The following ATR variants were observed in gnomAD, a reference collection of about 807,000 sequenced individuals.
ATR encodes the protein serine/threonine-protein kinase ATR.
Under a neutral mutation model 305.3 loss-of-function variants are expected in ATR, and 142 were observed. The ratio of observed to expected loss-of-function variants is 0.47; its 90% CI spans 0.41 to 0.53. The LOEUF (loss-of-function observed/expected upper bound fraction) is 0.53. ATR is among the 20% of genes least tolerant of loss of function. ATR has a pLI of 0.00. For missense variants in ATR, 2,135 were observed against 3,133.1 expected, an observed-to-expected ratio of 0.68 and a Z score of 7.60; for synonymous variants, 1,050 against 1,068.1, an observed-to-expected ratio of 0.98 and a Z score of 0.33.
At chr3:142,478,498 C>T (rs2030099106) in intron 36 of ATR, among the ~76,000 whole-genome samples, 1 of 152,074 alleles carries the variant, frequency 6.6e-6, no homozygotes, top group Non-Finnish European at 1.5e-5. Context: ...CTGAGGAGTG[C>T]TTTACTTCCA....
intron 13 of ATR, among the ~76,000 whole-genome samples, chr3:142,552,669 CAAAA>C (rs143475912): frequency 1.1e-5 from 1 of 93,326 alleles, no homozygotes. Flanking sequence ...TACTCCATCT[CAAAA>C]AAAAAAAAAA....
chr3:142,500,732 C>T (rs1023593804), intron 30 of ATR, among the ~76,000 whole-genome samples: 2 of 151,990 alleles, frequency 1.3e-5, no homozygotes, highest in Admixed American at 1.3e-4. Flanking sequence ...ATGACCACCA[C>T]CAAAAACAGT....
intron 3 of ATR, 74 bp from the exon 4 acceptor site, chr3:142,563,183 C>A: frequency 7.1e-7 from 1 of 1,401,788 alleles, no homozygotes; most frequent in Non-Finnish European, 9.7e-7. Context: ...AAATCCTTGA[C>A]GATTGACTTT....
intron 40 of ATR, among the ~76,000 whole-genome samples, chr3:142,466,010 C>T (rs571288510): frequency 7.3e-5 from 5 of 68,736 alleles, no homozygotes; most frequent in African/African-American, 2.2e-4. Context: ...ACCCTGTTTC[C>T]AAAAAAAAAA....
intron 39 of ATR, 147 bp from the exon 40 acceptor site, chr3:142,466,680 C>A: frequency 1.4e-6 from 1 of 711,188 alleles, no homozygotes; most frequent in South Asian, 1.8e-5. Context: ...TAACCTCTGT[C>A]ATTTACCTCA....
At position 142,493,380 on chromosome 3, in the gene ATR, A is replaced by G. The variant is rs113568341; in HGVS notation, c.5899-69T>C. The G allele has an allele frequency of 5.1e-3, 7,384 of 1,445,248 alleles. 41 individuals carry two copies. The highest frequency in any genetic ancestry group is 0.012 in the Middle Eastern group (68 of 5,568). The allele number at this position is 1,445,248 out of a possible 1,614,324, so 89.5% of individuals were successfully genotyped here. ...TACTTCTATTTTCTGCAAAAGTATT[A>G]GTTCATTATGTTTTTGTACAAATCC... On this transcript the variant is annotated intron_variant, in intron 34 of 46. Transcript: ENST00000350721.
chr3:142,563,972 AAAG>A (rs769983319), intron 3 of ATR, among the ~76,000 whole-genome samples: 6 of 152,220 alleles, frequency 3.9e-5, no homozygotes, highest in African/African-American at 1.4e-4. Flanking sequence ...AGTAGGAAAA[AAAG>A]AAGATCAAAC....
At chr3:142,481,634 T>C (rs746684888) in intron 36 of ATR, among the ~76,000 whole-genome samples, 14 of 152,022 alleles carry the variant, frequency 9.2e-5, no homozygotes, top group Non-Finnish European at 1.5e-4. Context: ...GGGACCATGG[T>C]TGTACACCCT....
intron 36 of ATR, among the ~76,000 whole-genome samples, chr3:142,481,292 C>G (rs2030454653): frequency 6.6e-6 from 1 of 152,172 alleles, no homozygotes; most frequent in South Asian, 2.1e-4. Context: ...TTCTCTGCAT[C>G]TATTGAGATG....
At chr3:142,458,699 T>C (rs1036027108) in intron 44 of ATR, among the ~76,000 whole-genome samples, 1 of 152,204 alleles carries the variant, frequency 6.6e-6, no homozygotes, top group Non-Finnish European at 1.5e-5. Context: ...ACATAACTAA[T>C]AACTAATTGA....
At chr3:142,486,483 C>T (rs1344484840) in intron 35 of ATR, among the ~76,000 whole-genome samples, 1 of 151,978 alleles carries the variant, frequency 6.6e-6, no homozygotes, top group Non-Finnish European at 1.5e-5. Flanking sequence ...CTTCCTTCCT[C>T]CTCCCTCTCT....
At chr3:142,518,017 G>A (rs1399345760) in intron 24 of ATR, among the ~76,000 whole-genome samples, 1 of 152,112 alleles carries the variant, frequency 6.6e-6, no homozygotes, top group Non-Finnish European at 1.5e-5. Context: ...TAAATAACTT[G>A]CCCAAGACTT....
At chr3:142,523,584 C>T (rs1184039561) in intron 22 of ATR, among the ~76,000 whole-genome samples, 3 of 152,204 alleles carry the variant, frequency 2.0e-5, no homozygotes, top group South Asian at 4.2e-4. Context: ...TTAAAAGTCA[C>T]ATTTTTTTTA....
Position 142,550,233 on chromosome 3 carries a change from C to T in ATR, c.2875G>A (p.Val959Met), listed in dbSNP as rs28910271. ...LPNTPCQNAD[V>M]RKQDVAHQRE... The stretch of plus-strand genomic sequence containing the variant: ...TGGTGAGCCACATCTTGTTTTCGCA[C>T]GTCAGCATTCTGGCATGGAGTATTC... The change falls in exon 14 of 47, where the codon GTG becomes ATG. Residue 959 changes from valine (V) to methionine (M), a missense_variant. This residue lies in a region of ATR where 530 missense variants were observed against 766.8 expected (regional missense o/e 0.69). Coordinates refer to ENST00000350721, the MANE Select transcript of ATR (RefSeq NM_001184.4). 31,767 of 1,614,104 alleles carry T rather than the reference C, an allele frequency of 0.02. 399 individuals are homozygous for T. The highest frequency in any genetic ancestry group is 0.041 in the South Asian group (3,755 of 91,088).
rs561564034 is a variant in ATR at position 142,559,747 on chromosome 3, A to T, written c.1542-306T>A. On this transcript the variant is annotated intron_variant, in intron 6 of 46. Coordinates refer to ENST00000350721, the MANE Select transcript of ATR (RefSeq NM_001184.4). Reference sequence around the variant, plus strand: ...AGGGAAACCCATCTCTACAAAAAAAATTTTTTCTAAATTAGGGTGTGGCGG... The same window carrying T: ...AGGGAAACCCATCTCTACAAAAAAATTTTTTTCTAAATTAGGGTGTGGCGG... Among the ~76,000 whole-genome samples, 135 of 152,166 alleles carry T rather than the reference A, an allele frequency of 8.9e-4. 1 individual carries two copies. In the South Asian group the frequency reaches 8.9e-3, roughly 10 times the overall value.
At chr3:142,467,026 TA>T (rs539698506) in intron 39 of ATR, among the ~76,000 whole-genome samples, 90 of 152,198 alleles carry the variant, frequency 5.9e-4, no homozygotes, top group Non-Finnish European at 1.2e-3. Context: ...CTGTTTTTGA[TA>T]ATGTCAAGTG....
At chr3:142,462,596 G>C (rs367687109) in intron 41 of ATR, among the ~76,000 whole-genome samples, 7 of 151,920 alleles carry the variant, frequency 4.6e-5, no homozygotes, top group African/African-American at 1.7e-4. Flanking sequence ...AGCCTCCCGA[G>C]TAGGTGGGAC....
In ATR at chr3:142,549,608, A is replaced by C; in HGVS notation, c.3042T>G (p.Ile1014Met). 1 of 1,613,656 alleles carries C rather than the reference A, an allele frequency of 6.2e-7. No homozygotes were observed. Among genetic ancestry groups the C allele is most frequent in the Non-Finnish European group, 8.5e-7 (1 of 1,179,794 alleles). ...CATTTAATTGTTTTCCTAAAGTTCG[A>C]ATGAGAGCAGAAGCTGCAGGGCTTG... The part of the protein sequence containing the change: ...AKASPAASAL[I>M]RTLGKQLNVN... Residue 1014 changes from isoleucine to methionine, a missense_variant, in exon 15 of 47, where the codon ATT becomes ATG. Physicochemically the swap from Ile to Met is conservative, Grantham distance 10 (BLOSUM62 1). This residue lies in a region of ATR where 530 missense variants were observed against 766.8 expected (regional missense o/e 0.69). Transcript: ENST00000350721.
At chr3:142,515,587 T>C in intron 24 of ATR, 72 bp from the exon 25 acceptor site, 1 of 1,459,646 alleles carries the variant, frequency 6.9e-7, no homozygotes. Context: ...TTACAGCAAC[T>C]CCTTCAGTTG....
Sources: allele counts gnomAD v4.1 joint callset (sites outside exome capture counted in the v4.1 genomes callset), GRCh38; gene constraint gnomAD v4.1.1; regional missense constraint gnomAD v4.1.1; transcripts MANE v1.5; gene names NCBI Gene and HGNC (gene_info 2026-07-23, HGNC 2026-07-21).